MAST4: variants seen among roughly 807,000 people sequenced by gnomAD.
The protein encoded by MAST4 is microtubule associated serine/threonine kinase family member 4, also known as microtubule-associated serine/threonine-protein kinase 4.
In MAST4, 89 loss-of-function variants were observed where a neutral mutation model predicts 162.7. The observed-to-expected ratio is 0.55, with a 90% CI of 0.46 to 0.65. The LOEUF is 0.65. Among genes scored for constraint, MAST4 ranks in the 30% least tolerant of loss-of-function variants. The probability of loss-of-function intolerance (pLI) is 0.00; values close to 1 mark genes in which losing one functional copy is unlikely to be tolerated. For synonymous variants in MAST4, 1,479 were observed against 1,361.1 expected (o/e 1.09, Z -1.91); for missense variants, 3,153 against 3,374.0 (o/e 0.93, Z 1.62).
chr5:67,056,567 CT>C (rs1396502497), intron 5 of MAST4, among the ~76,000 whole-genome samples: 2 of 152,182 alleles, frequency 1.3e-5, no homozygotes, highest in African/African-American at 2.4e-5. Context: ...GTGGTGAAGA[CT>C]TTAATGATCC....
chr5:66,678,812 G>A (rs1280399129), intron 1 of MAST4, among the ~76,000 whole-genome samples: 1 of 145,996 alleles, frequency 6.8e-6, no homozygotes, highest in Non-Finnish European at 1.5e-5. Flanking sequence ...TTTTTTTTGA[G>A]ACGGAGGCTC....
intron 5 of MAST4, among the ~76,000 whole-genome samples, chr5:67,056,072 G>T (rs1303662025): frequency 6.7e-6 from 1 of 149,508 alleles, no homozygotes; most frequent in Non-Finnish European, 1.5e-5. Context: ...TATATTCACT[G>T]TATTATATTT....
chr5:66,974,754 A>G (rs1420319006), intron 4 of MAST4, among the ~76,000 whole-genome samples: 1 of 152,226 alleles, frequency 6.6e-6, no homozygotes, highest in Non-Finnish European at 1.5e-5. Flanking sequence ...TTCTAAATGG[A>G]AAAAAATAAC....
intron 4 of MAST4, among the ~76,000 whole-genome samples, chr5:66,958,609 C>G (rs1031234186): frequency 6.6e-5 from 10 of 152,328 alleles, no homozygotes; most frequent in Admixed American, 5.9e-4. Context: ...ACAACGGAGT[C>G]TGACTTCCCC....
At chr5:66,923,774 A>G (rs984359579) in intron 4 of MAST4, among the ~76,000 whole-genome samples, 2 of 152,152 alleles carry the variant, frequency 1.3e-5, no homozygotes, top group African/African-American at 2.4e-5. Context: ...TAACCTCACA[A>G]CACAGTCATA....
At position 66,693,239 on chromosome 5, in the gene MAST4, A is replaced by G. The variant is rs986984723; in HGVS notation, c.364-66470A>G. Among the ~76,000 whole-genome samples the G allele has an allele frequency of 2.6e-5, 4 of 152,240 alleles. No individual in the cohort carries two copies. The South Asian group carries it at 8.3e-4, about 32-fold the overall frequency. On this transcript the variant is annotated intron_variant, in intron 1 of 28. Transcript: ENST00000403625. The stretch of plus-strand genomic sequence containing the variant: ...CATTAAAGATCAGTGTTGTAATCAC[A>G]TGAATTATAAATGTTTTACAAATGT...
rs1773576415 is a variant in MAST4 at position 67,164,131 on chromosome 5, A to G, written c.4952A>G (p.His1651Arg). Residue 1651 changes from histidine (H) to arginine (R), a missense_variant, in exon 29 of 29, where the codon CAC becomes CGC. His to Arg is a conservative substitution (Grantham distance 29, BLOSUM62 0). This residue lies in a region of MAST4 where 1,644 missense variants were observed against 1,495.0 expected (regional missense o/e 1.10). Coordinates refer to ENST00000403625, the MANE Select transcript of MAST4 (RefSeq NM_001164664.2). The surrounding 1 kb of genome is among the most constrained non-coding windows in gnomAD (Gnocchi z 5.3). Reference sequence around the variant, plus strand: ...GGCACCCTCCAGGATGGTCTCTGCCACTCCCTCGACAGGGGCATCTCTGGG... The same window carrying G: ...GGCACCCTCCAGGATGGTCTCTGCCGCTCCCTCGACAGGGGCATCTCTGGG... ...APGTLQDGLC[H>R]SLDRGISGKG... The G allele has an allele frequency of 1.2e-6, 2 of 1,602,180 alleles. No individual in the cohort carries two copies. Among genetic ancestry groups the G allele is most frequent in the Non-Finnish European group, 8.5e-7 (1 of 1,174,114 alleles).
chr5:66,681,807 T>C (rs1748347386), intron 1 of MAST4, among the ~76,000 whole-genome samples: 1 of 152,226 alleles, frequency 6.6e-6, no homozygotes, highest in African/African-American at 2.4e-5. Flanking sequence ...CCAAGCTGCC[T>C]CTTCATTAAA....
At chr5:67,162,919 T>G (rs1189936198) in intron 28 of MAST4, 131 bp downstream of exon 28, 1 of 1,067,842 alleles carries the variant, frequency 9.4e-7, no homozygotes, top group East Asian at 2.6e-5. Context: ...GACAGATTTA[T>G]AGAGAGGTCA....
intron 4 of MAST4, among the ~76,000 whole-genome samples, chr5:66,917,995 C>T (rs1202339875): frequency 3.9e-5 from 6 of 152,044 alleles, no homozygotes; most frequent in East Asian, 3.8e-4. Context: ...TAATATTTCT[C>T]AGTGTGGAGA....
intron 14 of MAST4, among the ~76,000 whole-genome samples, chr5:67,121,369 CT>C (rs375055333): frequency 6.6e-6 from 1 of 151,954 alleles, no homozygotes; most frequent in African/African-American, 2.4e-5. Flanking sequence ...TTGTTTCTGC[CT>C]CCTTCATTTT....
chr5:67,092,861 C>G (rs994426547), intron 6 of MAST4, among the ~76,000 whole-genome samples: 1 of 152,118 alleles, frequency 6.6e-6, no homozygotes, highest in African/African-American at 2.4e-5. Flanking sequence ...TCCAGATGAT[C>G]CTGTTTTTCC....
At chr5:66,924,109 C>G (rs1764720302) in intron 4 of MAST4, among the ~76,000 whole-genome samples, 1 of 152,148 alleles carries the variant, frequency 6.6e-6, no homozygotes, top group African/African-American at 2.4e-5. Context: ...ATCTTCCTGA[C>G]TCATCAGATT....
chr5:66,673,530 GTTTTTTT>G (rs11376867), intron 1 of MAST4, among the ~76,000 whole-genome samples: 3 of 106,548 alleles, frequency 2.8e-5, no homozygotes, highest in Non-Finnish European at 4.0e-5. Context: ...TTTGTTTTTT[GTTTTTTT>G]TTTTTTTGAG....
rs55805554 is a variant in MAST4 at position 67,130,315 on chromosome 5, G to A, written c.1851G>A (p.Val617=). The change falls in exon 15 of 29, where the codon GTG becomes GTA. Residue 617 remains valine (V), a synonymous_variant. Coordinates refer to ENST00000403625, the MANE Select transcript of MAST4 (RefSeq NM_001164664.2). ...GAAACCAGATCCAGCAGGCCTTTGT[G>A]GAGCGGGATATCCTGACTTTTGCAG... ...ILRNQIQQAF[V]ERDILTFAEN... is the part of the protein sequence containing the mutation. 1,082 of 1,613,888 alleles carry A rather than the reference G, an allele frequency of 6.7e-4. No individual in the cohort carries two copies. Among genetic ancestry groups the A allele is most frequent in the Non-Finnish European group, 8.4e-4 (996 of 1,179,846 alleles).
chr5:66,610,447 G>T, intron 1 of MAST4, among the ~76,000 whole-genome samples: 1 of 152,168 alleles, frequency 6.6e-6, no homozygotes, highest in South Asian at 2.1e-4. Flanking sequence ...TGGTGAAGAA[G>T]AAAAGGTGAA....
At chr5:66,773,981 T>C (rs1233914559) in intron 2 of MAST4, among the ~76,000 whole-genome samples, 2 of 152,230 alleles carry the variant, frequency 1.3e-5, no homozygotes, top group East Asian at 1.9e-4. Context: ...AGAAGAGGCA[T>C]GTATTAAGTG....
At chr5:66,781,882 A>G (rs1426737708) in intron 2 of MAST4, among the ~76,000 whole-genome samples, 1 of 152,184 alleles carries the variant, frequency 6.6e-6, no homozygotes, top group Non-Finnish European at 1.5e-5. Flanking sequence ...GATAAAGTAG[A>G]TCTCCAGAGG....
chr5:66,876,086 T>A (rs910238959), intron 3 of MAST4, among the ~76,000 whole-genome samples: 1 of 152,152 alleles, frequency 6.6e-6, no homozygotes, highest in Non-Finnish European at 1.5e-5. Flanking sequence ...CTATACTTTT[T>A]AAAAAAATGC....
Sources: gnomAD v4.1 joint callset for allele counts (sites outside exome capture counted in the v4.1 genomes callset) on GRCh38, gnomAD v4.1.1 for gene constraint, gnomAD v4.1.1 regional missense constraint, Gnocchi (gnomAD v3.1) non-coding constraint, MANE v1.5 for transcripts, NCBI Gene and HGNC (gene_info 2026-07-23, HGNC 2026-07-21) for gene names.